The following PRH1 variants were observed in gnomAD, a reference collection of about 807,000 sequenced individuals.
PRH1 encodes the protein proline rich protein HaeIII subfamily 1.
PRH1 carries 7 observed loss-of-function variants against 7.9 expected under a neutral mutation model. That is an observed-to-expected ratio of 0.89 (90% CI 0.50 to 1.67). The LOEUF is 1.67. Ranked by LOEUF, PRH1 falls within the 40% of genes most tolerant of loss-of-function variation. The pLI, the probability that PRH1 is intolerant of heterozygous loss-of-function variation, is 0.00. For missense variants in PRH1, 109 were observed against 223.6 expected, an observed-to-expected ratio of 0.49 and a Z score of 3.27; for synonymous variants, 45 against 80.8, an observed-to-expected ratio of 0.56 and a Z score of 2.38.
At chr12:10,958,219 T>C (rs1938071305) in intron 2 of PRH1, among the ~76,000 whole-genome samples, 1 of 152,180 alleles carries the variant, frequency 6.6e-6, no homozygotes, top group Non-Finnish European at 1.5e-5. Context: ...CACCATGGAA[T>C]ACTATGCAGT....
intron 2 of PRH1, among the ~76,000 whole-genome samples, chr12:10,912,215 A>G (rs978423343): frequency 3.9e-5 from 6 of 152,060 alleles, no homozygotes; most frequent in Non-Finnish European, 7.4e-5. Flanking sequence ...TTTGGAGACT[A>G]TGATGATGAT....
intron 1 of PRH1, among the ~76,000 whole-genome samples, chr12:11,057,523 C>T (rs1943413512): frequency 6.6e-6 from 1 of 152,180 alleles, no homozygotes; most frequent in South Asian, 2.1e-4. Flanking sequence ...CTGCTGGCAA[C>T]CCAATGTATA....
chr12:10,928,401 A>G (rs1950153348), intron 2 of PRH1, among the ~76,000 whole-genome samples: 1 of 152,222 alleles, frequency 6.6e-6, no homozygotes, highest in South Asian at 2.1e-4. Context: ...GATGAATTCT[A>G]TAGAATATTC....
chr12:11,072,104 A>T (rs1459334437), intron 1 of PRH1, among the ~76,000 whole-genome samples: 3 of 151,874 alleles, frequency 2.0e-5, no homozygotes, highest in African/African-American at 7.3e-5. Flanking sequence ...TGTAACTGGG[A>T]CTACAGGTGA....
At chr12:11,143,050 C>T (rs1005260758) in intron 1 of PRH1, among the ~76,000 whole-genome samples, 2 of 152,084 alleles carry the variant, frequency 1.3e-5, no homozygotes, top group African/African-American at 4.8e-5. Context: ...AAAACACAGA[C>T]TAGTATAACA....
intron 1 of PRH1, among the ~76,000 whole-genome samples, chr12:11,155,679 T>G (rs2136439438): frequency 1.3e-5 from 2 of 152,322 alleles, no homozygotes; most frequent in Middle Eastern, 6.8e-3. Context: ...TGCATGTACA[T>G]GTGGTTCATT....
At chr12:10,988,064 A>G (rs1242674857) in intron 1 of PRH1, among the ~76,000 whole-genome samples, 1 of 152,166 alleles carries the variant, frequency 6.6e-6, no homozygotes, top group Non-Finnish European at 1.5e-5. Context: ...AATGAAAACT[A>G]ATGGAGTCAG....
chr12:10,906,119 T>C (rs1949799359), intron 2 of PRH1, among the ~76,000 whole-genome samples: 1 of 151,998 alleles, frequency 6.6e-6, no homozygotes, highest in Admixed American at 6.6e-5. Context: ...AAAAAGAAAA[T>C]AAAAGAGAGA....
intron 1 of PRH1, among the ~76,000 whole-genome samples, chr12:11,099,376 A>ATGC (rs752878560): frequency 8.3e-5 from 11 of 131,892 alleles, no homozygotes; most frequent in Non-Finnish European, 1.7e-4. Flanking sequence ...TATCTCCAAG[A>ATGC]TGCCGAATTT....
intron 1 of PRH1, among the ~76,000 whole-genome samples, chr12:11,135,666 G>C (rs542990465): frequency 1.3e-5 from 2 of 152,218 alleles, no homozygotes; most frequent in African/African-American, 4.8e-5. Context: ...AGGAATTCAG[G>C]AGCCAAAAGA....
intron 2 of PRH1, among the ~76,000 whole-genome samples, chr12:10,927,366 G>C (rs1207361702): frequency 1.3e-5 from 2 of 152,126 alleles, no homozygotes; most frequent in African/African-American, 4.8e-5. Context: ...AACAGTATCT[G>C]GTGAAACCAA....
chr12:11,072,200 T>C (rs1378573874), intron 1 of PRH1, among the ~76,000 whole-genome samples: 2 of 152,248 alleles, frequency 1.3e-5, no homozygotes, highest in Admixed American at 1.3e-4. Flanking sequence ...TAGCCCAGGG[T>C]GGTCTGGAAC....
chr12:10,927,208 C>T (rs1015855132), intron 2 of PRH1, among the ~76,000 whole-genome samples: 8 of 152,186 alleles, frequency 5.3e-5, no homozygotes, highest in African/African-American at 1.2e-4. Flanking sequence ...TGTCTTTCAC[C>T]AGGCTTGCAG....
At chr12:10,909,177 A>G (rs373477868) in intron 2 of PRH1, 74 of 1,613,908 alleles carry the variant, frequency 4.6e-5, no homozygotes, top group Non-Finnish European at 6.0e-5. Context: ...GACTGAGGAC[A>G]GCTCTCTTTT....
intron 1 of PRH1, among the ~76,000 whole-genome samples, chr12:11,142,504 C>A (rs1274452352): frequency 1.3e-5 from 2 of 152,146 alleles, no homozygotes; most frequent in Non-Finnish European, 2.9e-5. Context: ...ACAAAAAGAA[C>A]AATGAAACAC....
chr12:11,077,470 T>C lies in PRH1; in HGVS notation n.124-30282A>G, dbSNP rs1944330256. The C allele has an allele frequency of 1.7e-5, 15 of 866,298 alleles. 2 individuals carry two copies. Among genetic ancestry groups the C allele is most frequent in the Non-Finnish European group, 2.6e-5 (15 of 586,616 alleles). 53.7% of individuals were successfully genotyped at this position (866,298 alleles called of 1,614,324 possible). A position where few individuals can be genotyped will look rare whatever the true frequency, so the allele number is the denominator to read the frequency against. On this transcript the variant is annotated intron_variant and non_coding_transcript_variant, in intron 1 of 4. Coordinates refer to the PRH1 transcript ENST00000541977. Reference sequence around the variant, plus strand: ...AGTTTGGCAAAGCAGGAATACAAGTTTGTTCTGCTGTGTTCAAAGATTCCA... The same window carrying C: ...AGTTTGGCAAAGCAGGAATACAAGTCTGTTCTGCTGTGTTCAAAGATTCCA...
At chr12:11,127,801 TTA>T (rs760679541) in intron 1 of PRH1, among the ~76,000 whole-genome samples, 3 of 152,258 alleles carry the variant, frequency 2.0e-5, no homozygotes, top group Non-Finnish European at 2.9e-5. Context: ...TATTAGTTAT[TTA>T]ATTAAAATAC....
intron 1 of PRH1, among the ~76,000 whole-genome samples, chr12:11,140,373 T>C (rs1946668900): frequency 2.0e-5 from 3 of 152,144 alleles, no homozygotes; most frequent in Admixed American, 1.3e-4. Flanking sequence ...AAAAAATGAA[T>C]GGTAGTAAAT....
intron 1 of PRH1, among the ~76,000 whole-genome samples, chr12:11,169,715 A>C (rs1349775914): frequency 6.6e-6 from 1 of 152,140 alleles, no homozygotes; most frequent in Non-Finnish European, 1.5e-5. Flanking sequence ...TGTGAACTGA[A>C]ACTATATATC....
Sources: gnomAD v4.1 joint callset for allele counts (sites outside exome capture counted in the v4.1 genomes callset) on GRCh38, gnomAD v4.1.1 for gene constraint, MANE v1.5 for transcripts, NCBI Gene and HGNC (gene_info 2026-07-23, HGNC 2026-07-21) for gene names.